NDE1: variants seen among roughly 807,000 people sequenced by gnomAD.
The protein encoded by NDE1 is nudE neurodevelopment protein 1.
A neutral mutation model predicts 43.4 loss-of-function variants in NDE1; 28 were observed. The ratio of observed to expected loss-of-function variants is 0.65; its 90% confidence interval spans 0.48 to 0.89. NDE1 has a LOEUF of 0.89. Among genes scored for constraint, NDE1 ranks in the 40% least tolerant of loss-of-function variants. The pLI is 0.00. For synonymous variants in NDE1, 184 were observed against 172.0 expected (o/e 1.07, Z -0.55); for missense variants, 441 against 434.1 (o/e 1.02, Z -0.14).
At chr16:15,720,581 TC>T in intron 8 of NDE1, among the ~76,000 whole-genome samples, 1 of 148,030 alleles carries the variant, frequency 6.8e-6, no homozygotes, top group South Asian at 2.2e-4. Flanking sequence ...AAACCTTGTC[TC>T]CACTGAAAAA....
At chr16:15,652,283 T>C (rs1051587131) in intron 1 of NDE1, among the ~76,000 whole-genome samples, 2 of 152,174 alleles carry the variant, frequency 1.3e-5, no homozygotes, top group African/African-American at 4.8e-5. Flanking sequence ...CAAGCAGTCC[T>C]CCTGCCTTGG....
At chr16:15,675,423 G>GT (rs2037816797) in intron 3 of NDE1, among the ~76,000 whole-genome samples, 1 of 99,490 alleles carries the variant, frequency 1.0e-5, no homozygotes, top group Non-Finnish European at 2.1e-5. Flanking sequence ...GGTGATTTTG[G>GT]GTTTTTTTTT....
At chr16:15,663,430 G>A (rs1010303675) in intron 1 of NDE1, among the ~76,000 whole-genome samples, 3 of 151,690 alleles carry the variant, frequency 2.0e-5, no homozygotes, top group African/African-American at 7.3e-5. Context: ...TTTTAGTAGA[G>A]ACGGAGTTTC....
chr16:15,691,930 CA>C (rs1320179498), intron 6 of NDE1, among the ~76,000 whole-genome samples: 3 of 151,886 alleles, frequency 2.0e-5, no homozygotes, highest in African/African-American at 4.8e-5. Context: ...CGCGCCTGGT[CA>C]AAAATCCTCT....
chr16:15,644,602 C>G (rs1274625081), intron 1 of NDE1, among the ~76,000 whole-genome samples: 3 of 152,038 alleles, frequency 2.0e-5, no homozygotes, highest in Non-Finnish European at 2.9e-5. Context: ...ACGGTGAAAC[C>G]CTATCACTAT....
intron 5 of NDE1, among the ~76,000 whole-genome samples, chr16:15,688,730 G>C (rs1319549653): frequency 2.3e-5 from 2 of 85,154 alleles, no homozygotes; most frequent in Admixed American, 3.5e-4. Context: ...ATGGCGTCTT[G>C]CTCTGTTGTC....
intron 1 of NDE1, among the ~76,000 whole-genome samples, chr16:15,653,911 G>T (rs1254768847): frequency 6.6e-6 from 1 of 151,816 alleles, no homozygotes; most frequent in Non-Finnish European, 1.5e-5. Flanking sequence ...TGTGTTTTTG[G>T]TAGAGATGGG....
intron 7 of NDE1, chr16:15,695,464 C>G: frequency 2.1e-6 from 2 of 971,684 alleles, no homozygotes; most frequent in Non-Finnish European, 2.4e-6. Flanking sequence ...GCTGAGATCG[C>G]ACCGCTGGGT....
At chr16:15,721,686 A>C (rs1164968307) in intron 8 of NDE1, 1 of 1,589,680 alleles carries the variant, frequency 6.3e-7, no homozygotes, top group Non-Finnish European at 8.6e-7. Flanking sequence ...GGTCAGCGTC[A>C]CTGAATTGTA....
At chr16:15,652,643 AT>A (rs1207976809) in intron 1 of NDE1, among the ~76,000 whole-genome samples, 1 of 152,060 alleles carries the variant, frequency 6.6e-6, no homozygotes, top group Non-Finnish European at 1.5e-5. Flanking sequence ...AACAATAGCT[AT>A]TTTACTTTTT....
At chr16:15,719,417 C>A in intron 8 of NDE1, 2 of 1,477,028 alleles carry the variant, frequency 1.4e-6, no homozygotes, top group Non-Finnish European at 1.9e-6. Flanking sequence ...TTCCTCTGAG[C>A]TCAGGGGAGG....
intron 8 of NDE1, 104 bp downstream of exon 8, chr16:15,696,964 G>C: frequency 6.5e-7 from 1 of 1,550,148 alleles, no homozygotes; most frequent in Non-Finnish European, 8.7e-7. Context: ...TTAAATTATA[G>C]GATTATTTCA....
At chr16:15,710,177 G>C (rs1017589076) in intron 8 of NDE1, among the ~76,000 whole-genome samples, 3 of 152,194 alleles carry the variant, frequency 2.0e-5, no homozygotes, top group South Asian at 4.1e-4. Flanking sequence ...TGCCCAAGAA[G>C]GCTCAAGTGT....
intron 1 of NDE1, among the ~76,000 whole-genome samples, chr16:15,656,141 A>G (rs1176005506): frequency 3.3e-5 from 5 of 152,174 alleles, no homozygotes; most frequent in Admixed American, 6.6e-5. Flanking sequence ...ATAATAAAGA[A>G]AAAGAAAAAA....
chr16:15,691,579 G>A (rs1431582938), intron 6 of NDE1, among the ~76,000 whole-genome samples: 5 of 151,994 alleles, frequency 3.3e-5, no homozygotes, highest in Non-Finnish European at 5.9e-5. Flanking sequence ...CTGCAGCTAC[G>A]AGGATTGGCC....
At chr16:15,670,427 G>T (rs2037530694) in intron 3 of NDE1, among the ~76,000 whole-genome samples, 1 of 152,138 alleles carries the variant, frequency 6.6e-6, no homozygotes, top group Non-Finnish European at 1.5e-5. Context: ...GGAGGCCGAG[G>T]TGGGCAGATC....
chr16:15,679,333 C>T (rs1446852904), intron 4 of NDE1, among the ~76,000 whole-genome samples: 1 of 152,118 alleles, frequency 6.6e-6, no homozygotes, highest in African/African-American at 2.4e-5. Context: ...TTCTTTTTCT[C>T]CTGTCCGTCT....
chr16:15,648,948 G>A, upstream of NDE1, among the ~76,000 whole-genome samples: 1 of 152,070 alleles, frequency 6.6e-6, no homozygotes, highest in Non-Finnish European at 1.5e-5. Context: ...GTAATCCCAG[G>A]ACTTTGGGAG....
rs575542831 is a variant in NDE1 at position 15,655,160 on chromosome 16, G to A, written c.-44+4866G>A. Among the ~76,000 whole-genome samples the A allele has an allele frequency of 4.6e-5, 7 of 152,178 alleles. No homozygotes were observed. In the East Asian group the frequency reaches 1.2e-3, roughly 25 times the overall value. ...AGCCACCCAAGTAGCTGGAATTATA[G>A]GTGCGCTCTACCACACCTGGCTAAT... On this transcript the variant is annotated intron_variant, in intron 1 of 8. Transcript: ENST00000396354.
Sources: allele counts gnomAD v4.1 joint callset (sites outside exome capture counted in the v4.1 genomes callset), GRCh38; gene constraint gnomAD v4.1.1; transcripts MANE v1.5; gene names NCBI Gene and HGNC (gene_info 2026-07-23, HGNC 2026-07-21).